Variants in FRMD4A observed in about 807,000 individuals in gnomAD.
The protein encoded by FRMD4A is FERM domain containing 4A.
A neutral mutation model predicts 129.1 loss-of-function variants in FRMD4A; 29 were observed. That is an observed-to-expected ratio of 0.22 (90% CI 0.17 to 0.31). The LOEUF (loss-of-function observed/expected upper bound fraction) is 0.31. Ranked by LOEUF, FRMD4A falls within the 10% of genes least tolerant of loss-of-function variation. The pLI is 1.00. For synonymous variants in FRMD4A, 634 were observed against 571.6 expected (o/e 1.11, Z -1.56); for missense variants, 1,272 against 1,375.8 (o/e 0.92, Z 1.19).
chr10:13,853,187 G>A (rs1270146378), intron 3 of FRMD4A, among the ~76,000 whole-genome samples: 3 of 152,198 alleles, frequency 2.0e-5, no homozygotes, highest in Non-Finnish European at 4.4e-5. Flanking sequence ...GAGGTTCACT[G>A]TGGCAGAATT....
intron 2 of FRMD4A, among the ~76,000 whole-genome samples, chr10:14,054,034 A>T (rs10906581): frequency 0.46 from 69,669 of 151,056 alleles, 16,503 homozygotes; most frequent in Middle Eastern, 0.58. Flanking sequence ...AAAATTAGCT[A>T]GGTACCTGCA....
At chr10:14,263,024 T>C (rs1844857745) in intron 2 of FRMD4A, among the ~76,000 whole-genome samples, 1 of 152,204 alleles carries the variant, frequency 6.6e-6, no homozygotes, top group East Asian at 1.9e-4. Context: ...CAGGTCAGTG[T>C]TCCCCTGGCC....
Position 13,858,839 on chromosome 10 carries a change from C to T in FRMD4A, c.111+8G>A, listed in dbSNP as rs748447450. ...AGAAACTCAGAAAGTTGACCAAAAG[C>T]GATTTACCTGTACTAGGAGTTCCAG... On this transcript the variant is annotated splice_region_variant and intron_variant, in intron 3 of 24. Coordinates refer to ENST00000357447, the MANE Select transcript of FRMD4A (RefSeq NM_018027.5). The T allele has an allele frequency of 5.8e-6, 9 of 1,559,494 alleles. No individual in the cohort carries two copies. The highest frequency in any genetic ancestry group is 1.7e-5 in the Admixed American group (1 of 59,928).
rs575476783 is a variant in FRMD4A at position 13,912,722 on chromosome 10, G to A, written c.46-53810C>T. 5.9e-5 allele frequency among the ~76,000 whole-genome samples: 9 copies of A among 151,840 alleles called. 1 individual carries two copies. The South Asian group carries it at 1.9e-3, about 32-fold the overall frequency. ...TTTTTTGTATTTTTAGTAGAGACGGGGTTTCACCGTGTTAGCCAGGATGGT... is the reference window on the plus strand; with the variant it reads ...TTTTTTGTATTTTTAGTAGAGACGGAGTTTCACCGTGTTAGCCAGGATGGT... On this transcript the variant is annotated intron_variant, in intron 2 of 24. Transcript: ENST00000357447.
intron 2 of FRMD4A, chr10:13,890,461 T>C (rs2131160603): frequency 1.1e-6 from 1 of 914,646 alleles, no homozygotes; most frequent in East Asian, 1.2e-4. Context: ...GTGATGCTGT[T>C]GGAAAAGGAC....
chr10:14,153,528 T>TA (rs1840444333), intron 2 of FRMD4A, among the ~76,000 whole-genome samples: 2 of 152,196 alleles, frequency 1.3e-5, no homozygotes, highest in African/African-American at 4.8e-5. Flanking sequence ...AAAATTGGAA[T>TA]AATTTGCCTT....
At chr10:14,249,513 G>A (rs1471417161) in intron 2 of FRMD4A, among the ~76,000 whole-genome samples, 1 of 152,190 alleles carries the variant, frequency 6.6e-6, no homozygotes, top group Non-Finnish European at 1.5e-5. Context: ...CCACCCCAGT[G>A]TCCATCTCCT....
intron 2 of FRMD4A, among the ~76,000 whole-genome samples, chr10:14,261,216 G>A (rs1354701937): frequency 6.6e-6 from 1 of 152,158 alleles, no homozygotes; most frequent in Non-Finnish European, 1.5e-5. Flanking sequence ...TGATTTAGGA[G>A]GATGTCAAAA....
chr10:13,965,123 T>C (rs60162693), intron 2 of FRMD4A, among the ~76,000 whole-genome samples: 4,870 of 151,616 alleles, frequency 0.032, 297 homozygotes, highest in East Asian at 0.27. Context: ...ATATTCAGTT[T>C]GGGAGAGAGG....
At chr10:13,942,686 G>A (rs1052045817) in intron 2 of FRMD4A, among the ~76,000 whole-genome samples, 7 of 152,126 alleles carry the variant, frequency 4.6e-5, no homozygotes, top group African/African-American at 1.7e-4. Context: ...TGTAATCCCA[G>A]CACTTTAGGA....
chr10:13,894,500 C>A (rs1547833), intron 2 of FRMD4A, among the ~76,000 whole-genome samples: 69,325 of 152,044 alleles, frequency 0.46, 15,970 homozygotes, highest in East Asian at 0.54. Flanking sequence ...CACGCATCCG[C>A]GGATCACCCA....
At chr10:13,946,971 G>A (rs181985602) in intron 2 of FRMD4A, among the ~76,000 whole-genome samples, 2 of 152,298 alleles carry the variant, frequency 1.3e-5, no homozygotes, top group East Asian at 1.9e-4. Flanking sequence ...ATATGGGGAA[G>A]CTTGGGAGGC....
chr10:13,850,288 T>A (rs1454616331), intron 3 of FRMD4A, among the ~76,000 whole-genome samples: 1 of 152,212 alleles, frequency 6.6e-6, no homozygotes, highest in Non-Finnish European at 1.5e-5. Flanking sequence ...GTCATACATT[T>A]TTTTTTCTAG....
intron 16 of FRMD4A, among the ~76,000 whole-genome samples, chr10:13,670,992 A>G (rs1210614843): frequency 6.6e-6 from 1 of 152,202 alleles, no homozygotes; most frequent in Non-Finnish European, 1.5e-5. Context: ...CTAAGTTTAA[A>G]GTTTCCTTCA....
At chr10:13,909,051 T>C (rs1032897723) in intron 2 of FRMD4A, among the ~76,000 whole-genome samples, 5 of 152,250 alleles carry the variant, frequency 3.3e-5, no homozygotes, top group Admixed American at 1.3e-4. Context: ...CACTCTCTTA[T>C]TGTTTTTTCA....
At chr10:13,977,718 T>A (rs1023660250) in intron 2 of FRMD4A, among the ~76,000 whole-genome samples, 1 of 152,256 alleles carries the variant, frequency 6.6e-6, no homozygotes, top group Non-Finnish European at 1.5e-5. Context: ...TCTGTCTCCA[T>A]AGATTTGCCA....
chr10:14,162,566 G>A (rs760220272), intron 2 of FRMD4A, among the ~76,000 whole-genome samples: 5 of 151,840 alleles, frequency 3.3e-5, no homozygotes, highest in African/African-American at 4.8e-5. Context: ...AAATTAACCC[G>A]GTTAACTTGG....
At chr10:13,847,794 A>C (rs569738509) in intron 3 of FRMD4A, among the ~76,000 whole-genome samples, 1 of 152,374 alleles carries the variant, frequency 6.6e-6, no homozygotes, top group Non-Finnish European at 1.5e-5. Flanking sequence ...CCACCTCTAG[A>C]CAGGAACTCC....
intron 2 of FRMD4A, among the ~76,000 whole-genome samples, chr10:14,051,658 C>G (rs1187905193): frequency 2.0e-5 from 3 of 152,202 alleles, no homozygotes; most frequent in African/African-American, 7.2e-5. Context: ...GTGACAGGCT[C>G]TTTCATGGCA....
Sources: allele counts gnomAD v4.1 joint callset (sites outside exome capture counted in the v4.1 genomes callset), GRCh38; gene constraint gnomAD v4.1.1; transcripts MANE v1.5; gene names NCBI Gene and HGNC (gene_info 2026-07-23, HGNC 2026-07-21).